MREG: variants seen among roughly 807,000 people sequenced by gnomAD.
The protein encoded by MREG is melanoregulin.
MREG carries 31 observed loss-of-function variants against 28.5 expected under a neutral mutation model. The ratio of observed to expected loss-of-function variants is 1.09; its 90% CI spans 0.82 to 1.47. The LOEUF (loss-of-function observed/expected upper bound fraction) is 1.47, where lower values mean the gene tolerates loss of function less well. Among genes scored for constraint, MREG ranks in the 40% most tolerant of loss-of-function variants. The pLI is 0.00. For missense variants in MREG, 256 were observed against 257.4 expected, an observed-to-expected ratio of 0.99 and a Z score of 0.04; for synonymous variants, 106 against 95.2, an observed-to-expected ratio of 1.11 and a Z score of -0.66.
At chr2:215,988,238 C>T (rs142485156) in intron 2 of MREG, among the ~76,000 whole-genome samples, 24 of 152,256 alleles carry the variant, frequency 1.6e-4, no homozygotes, top group African/African-American at 5.8e-4. Flanking sequence ...GTGCAGCCCA[C>T]AGAGGGCAAG....
At chr2:216,003,354 C>T (rs1056636340) in intron 1 of MREG, among the ~76,000 whole-genome samples, 1 of 152,158 alleles carries the variant, frequency 6.6e-6, no homozygotes, top group African/African-American at 2.4e-5. Flanking sequence ...TGCTGCTTCA[C>T]ACATCTGTGC....
chr2:216,003,474 G>T (rs1278186339), intron 1 of MREG, among the ~76,000 whole-genome samples: 2 of 152,128 alleles, frequency 1.3e-5, no homozygotes, highest in Non-Finnish European at 2.9e-5. Flanking sequence ...CCAGTCCTTG[G>T]TGTCTCCTCT....
At chr2:216,022,498 C>T (rs925801557) in intron 1 of MREG, among the ~76,000 whole-genome samples, 3 of 152,134 alleles carry the variant, frequency 2.0e-5, no homozygotes, top group Non-Finnish European at 2.9e-5. Context: ...TATACTGCTA[C>T]GTCTAACAAT....
At chr2:215,985,139 T>A (rs960536955) in intron 2 of MREG, among the ~76,000 whole-genome samples, 2 of 152,210 alleles carry the variant, frequency 1.3e-5, no homozygotes, top group African/African-American at 4.8e-5. Flanking sequence ...ATATGCAAAG[T>A]GGTTAGAACA....
chr2:216,011,001 C>A (rs56253609), intron 1 of MREG, among the ~76,000 whole-genome samples: 30,882 of 149,182 alleles, frequency 0.21, 3,361 homozygotes, highest in Non-Finnish European at 0.25. Context: ...GAGGCTGAGG[C>A]AGGAGAATGG....
chr2:216,007,199 GC>G (rs1263133530), intron 1 of MREG, among the ~76,000 whole-genome samples: 2 of 151,920 alleles, frequency 1.3e-5, no homozygotes, highest in African/African-American at 4.8e-5. Flanking sequence ...TTGCAAATTC[GC>G]CCACTCGTCA....
intron 1 of MREG, among the ~76,000 whole-genome samples, chr2:216,005,444 CTTTTTTTTTTT>C (rs58288878): frequency 1.2e-5 from 1 of 86,306 alleles, no homozygotes; most frequent in Non-Finnish European, 2.4e-5. Flanking sequence ...TCTAGTTATT[CTTTTTTTTTTT>C]TTTTTTTTTT....
chr2:216,003,223 A>ATG (rs1208185495), intron 1 of MREG, among the ~76,000 whole-genome samples: 1 of 151,938 alleles, frequency 6.6e-6, no homozygotes, highest in African/African-American at 2.4e-5. Context: ...AGCCCCAGAG[A>ATG]TGTGACCTGC....
intron 1 of MREG, among the ~76,000 whole-genome samples, chr2:216,012,909 T>TAC (rs1694350412): frequency 6.6e-6 from 1 of 152,198 alleles, no homozygotes; most frequent in Non-Finnish European, 1.5e-5. Context: ...CACAGTTGTA[T>TAC]TTTATCAGAC....
At chr2:215,994,567 A>G (rs1693809801) in intron 2 of MREG, among the ~76,000 whole-genome samples, 1 of 150,396 alleles carries the variant, frequency 6.6e-6, no homozygotes, top group Non-Finnish European at 1.5e-5. Context: ...TTTAAAAAAA[A>G]AGAGGGAGAA....
chr2:216,012,815 TGAGA>T (rs1694348137), intron 1 of MREG, among the ~76,000 whole-genome samples: 1 of 152,154 alleles, frequency 6.6e-6, no homozygotes, highest in East Asian at 1.9e-4. Context: ...TAAAATTGAA[TGAGA>T]AATAGACAAC....
At chr2:215,983,852 A>G (rs890175572) in intron 2 of MREG, among the ~76,000 whole-genome samples, 1 of 152,368 alleles carries the variant, frequency 6.6e-6, no homozygotes, top group South Asian at 2.1e-4. Context: ...TTGTCAGCAT[A>G]CAATTACTTA....
At chr2:216,021,332 C>T (rs1399766195) in intron 1 of MREG, among the ~76,000 whole-genome samples, 1 of 152,130 alleles carries the variant, frequency 6.6e-6, no homozygotes, top group Non-Finnish European at 1.5e-5. Flanking sequence ...GGGTTATCCA[C>T]CCGCCTCGGC....
At chr2:216,001,912 G>A (rs901460565) in intron 1 of MREG, among the ~76,000 whole-genome samples, 10 of 152,254 alleles carry the variant, frequency 6.6e-5, no homozygotes, top group Non-Finnish European at 2.9e-5. Flanking sequence ...CCCAGACCAC[G>A]AAGGGCTCTG....
At chr2:216,015,128 T>TGCGCGCGTGCGTGTGCGCGCATGTGC (rs1553556768), upstream of MREG, among the ~76,000 whole-genome samples, 5 of 152,036 alleles carry the variant, frequency 3.3e-5, no homozygotes, top group South Asian at 2.1e-4. Flanking sequence ...CGCGTGTGTG[T>TGCGCGCGTGCGTGTGCGCGCATGTGC]GCGCGCGTGC....
chr2:216,013,180 C>G (rs1694358175), intron 1 of MREG, 53 bp downstream of exon 1: 1 of 1,501,336 alleles, frequency 6.7e-7, no homozygotes, highest in Non-Finnish European at 9.0e-7. Context: ...ACACTCTCGG[C>G]GCCCGGCTAC....
At chr2:215,963,101 C>T (rs1692834910) in intron 2 of MREG, among the ~76,000 whole-genome samples, 1 of 151,626 alleles carries the variant, frequency 6.6e-6, no homozygotes, top group Non-Finnish European at 1.5e-5. Context: ...GCACTCCAGT[C>T]TGGGTGACAG....
intron 1 of MREG, among the ~76,000 whole-genome samples, chr2:216,021,421 T>C (rs1187115361): frequency 6.6e-6 from 1 of 152,204 alleles, no homozygotes; most frequent in Non-Finnish European, 1.5e-5. Context: ...CCAAGCCTTT[T>C]ATAGGGACTA....
Position 215,944,845 on chromosome 2 carries a change from T to C in MREG, c.*18A>G, listed in dbSNP as rs1261670726. On this transcript the variant is annotated 3_prime_UTR_variant, in exon 5 of 5. Transcript: ENST00000263268. ...AGTCCTCATGGAAGAATTCCCATTC[T>C]GCCCCTGAGCCTCTCCTTTAGGGAC... 5 of 1,563,288 alleles carry C rather than the reference T, an allele frequency of 3.2e-6. No homozygotes were observed. The highest frequency in any genetic ancestry group is 1.3e-5 in the African/African-American group (1 of 74,110).
Sources: allele counts gnomAD v4.1 joint callset (sites outside exome capture counted in the v4.1 genomes callset), GRCh38; gene constraint gnomAD v4.1.1; transcripts MANE v1.5; gene names NCBI Gene and HGNC (gene_info 2026-07-23, HGNC 2026-07-21).